PATL1: variants seen among roughly 807,000 people sequenced by gnomAD.
The protein encoded by PATL1 is PAT1 homolog 1, processing body mRNA decay factor.
In PATL1, 32 loss-of-function variants were observed where a neutral mutation model predicts 100.6. The observed-to-expected ratio is 0.32, with a 90% CI of 0.24 to 0.43. The LOEUF (loss-of-function observed/expected upper bound fraction) is 0.43. PATL1 is among the 20% of genes least tolerant of loss of function. PATL1 has a pLI of 1.00. For missense variants in PATL1, 747 were observed against 949.9 expected (o/e 0.79, Z 2.81); for synonymous variants, 332 against 330.0 (o/e 1.01, Z -0.07).
At position 59,655,971 on chromosome 11, in the gene PATL1, A is replaced by C; in HGVS notation, c.798T>G (p.Leu266=). 1 of 1,598,042 alleles carries C rather than the reference A, an allele frequency of 6.3e-7. No homozygotes were observed. The highest frequency in any genetic ancestry group is 8.5e-7 in the Non-Finnish European group (1 of 1,171,586). ...ACAGGCTTACCTGTGCTCCTCCAAG[A>C]AGCTGTGCTCTCTGGAGGGGGCTGA... is the stretch of plus-strand genomic sequence containing the variant. ...PVLSPLQRAQ[L]LGGAQLQPGR... is the part of the protein sequence containing the mutation. The change falls in exon 7 of 19, where the codon CTT becomes CTG. Residue 266 remains leucine (L), a synonymous_variant. Coordinates refer to ENST00000300146, the MANE Select transcript of PATL1 (RefSeq NM_152716.3).
At chr11:59,668,015 C>T (rs1251062154) in intron 1 of PATL1, among the ~76,000 whole-genome samples, 1 of 152,244 alleles carries the variant, frequency 6.6e-6, no homozygotes, top group East Asian at 1.9e-4. Flanking sequence ...GTTCTTCTTA[C>T]CCCAGAGCCC....
intron 2 of PATL1, among the ~76,000 whole-genome samples, chr11:59,662,278 T>C (rs753871425): frequency 1.2e-4 from 19 of 152,228 alleles, no homozygotes; most frequent in Non-Finnish European, 2.4e-4. Flanking sequence ...AAAAATATCC[T>C]TACTTAAGCC....
At chr11:59,652,811 T>C in intron 10 of PATL1, 27 bp downstream of exon 10, 1 of 1,604,554 alleles carries the variant, frequency 6.2e-7, no homozygotes, top group Non-Finnish European at 8.5e-7. Flanking sequence ...CAAACTATTA[T>C]CCTCAAAACT....
rs1861429993 is a variant in PATL1, at chr11:59,650,655, A to G, written c.1584+99T>C. On this transcript the variant is annotated intron_variant, in intron 13 of 18. Transcript: ENST00000300146. ...CAATATATTCATGAATTAAAACCAA[A>G]GAACATTGACTGATTGCTCACTGTT... The G allele has an allele frequency of 7.3e-6, 6 of 819,952 alleles. No individual in the cohort carries two copies. In the South Asian group the frequency reaches 1.1e-4, roughly 16 times the overall value. 50.8% of individuals were successfully genotyped at this position (819,952 alleles called of 1,614,324 possible). A position where few individuals can be genotyped will look rare whatever the true frequency, so the allele number is the denominator to read the frequency against.
chr11:59,648,722 A>C (rs1026067283), intron 14 of PATL1, among the ~76,000 whole-genome samples: 1 of 152,170 alleles, frequency 6.6e-6, no homozygotes, highest in Non-Finnish European at 1.5e-5. Flanking sequence ...AACTACATAC[A>C]TTTTAATGGC....
At position 59,638,198 on chromosome 11, in the gene PATL1, A is replaced by G. The variant is rs1861221231; in HGVS notation, c.*192T>C. The stretch of plus-strand genomic sequence containing the variant: ...AAAGAAACCAGCAGAAGTATCACCC[A>G]GCCAAATTTCATAGAGCAGTGGGGA... On this transcript the variant is annotated 3_prime_UTR_variant, in exon 19 of 19. Coordinates refer to ENST00000300146, the MANE Select transcript of PATL1 (RefSeq NM_152716.3). 1.3e-5 allele frequency: 8 copies of G among 615,154 alleles called. No individual in the cohort carries two copies. Among genetic ancestry groups the G allele is most frequent in the Admixed American group, 5.8e-5 (2 of 34,434 alleles). The allele number at this position is 615,154 out of a possible 1,614,324, so 38.1% of individuals were successfully genotyped here.
At chr11:59,639,440 A>G (rs956127281) in intron 16 of PATL1, 57 bp from the exon 17 acceptor site, 4 of 1,306,548 alleles carry the variant, frequency 3.1e-6, no homozygotes, top group Non-Finnish European at 4.3e-6. Flanking sequence ...CTCCTCCACC[A>G]CTGTTGAAGG....
rs1056533986 is a variant in PATL1 at position 59,655,505 on chromosome 11, G to A, written c.1031+18C>T. The A allele has an allele frequency of 1.6e-5, 24 of 1,525,636 alleles. No individual in the cohort carries two copies. In the Admixed American group the frequency reaches 2.8e-4, roughly 18 times the overall value. The allele number at this position is 1,525,636 out of a possible 1,614,324, so 94.5% of individuals were successfully genotyped here. A position where few individuals can be genotyped will look rare whatever the true frequency, so the allele number is the denominator to read the frequency against. On this transcript the variant is annotated intron_variant, in intron 8 of 18. Transcript: ENST00000300146. ...ACTTGGCTGATAACTGATAAACAGTGGCGTTGATTTTGTATACCTTAGGTT... is the reference window on the plus strand; with the variant it reads ...ACTTGGCTGATAACTGATAAACAGTAGCGTTGATTTTGTATACCTTAGGTT...
chr11:59,659,273 C>T lies in PATL1; in HGVS notation c.324G>A (p.Val108=). The change falls in exon 3 of 19, where the codon GTG becomes GTA. Residue 108 remains valine, a synonymous_variant. Coordinates refer to ENST00000300146, the MANE Select transcript of PATL1 (RefSeq NM_152716.3). ...TTACTTGTAAAACTGGCCTGGTCTG[C>T]ACTGCCCTCATAATAGCTGGATCTT... is the stretch of plus-strand genomic sequence containing the variant. ...ELEDPAIMRA[V]QTRPVLQPQP... The T allele has an allele frequency of 6.4e-7, 1 of 1,551,458 alleles. No homozygotes were observed. The highest frequency in any genetic ancestry group is 8.7e-7 in the Non-Finnish European group (1 of 1,146,820).
Position 59,657,513 on chromosome 11 carries a change from T to C in PATL1, c.621+17A>G. 6.4e-7 allele frequency: 1 copy of C among 1,565,088 alleles called. No individual in the cohort carries two copies. The highest frequency in any genetic ancestry group is 1.7e-5 in the Admixed American group (1 of 57,636). On this transcript the variant is annotated intron_variant, in intron 5 of 18. Transcript: ENST00000300146. ...ATTCCCAATATCCTGGGCTGTGTGCTTGTTAATGAGAGGTACCTGTTGGGT... is the reference window on the plus strand; with the variant it reads ...ATTCCCAATATCCTGGGCTGTGTGCCTGTTAATGAGAGGTACCTGTTGGGT...
chr11:59,655,611 A>C lies in PATL1; in HGVS notation c.943T>G (p.Phe315Val). 6.3e-7 allele frequency: 1 copy of C among 1,594,806 alleles called. No homozygotes were observed. Among genetic ancestry groups the C allele is most frequent in the Non-Finnish European group, 8.5e-7 (1 of 1,170,448 alleles). ...VGQMLPPAPG[F>V]RAFFSAPPSA... Reference sequence around the variant, plus strand: ...GGTGGAGCACTAAAGAAGGCACGGAAGCCTGGTGCTGGGGGAAGCATCTGC... The same window carrying C: ...GGTGGAGCACTAAAGAAGGCACGGACGCCTGGTGCTGGGGGAAGCATCTGC... The change falls in exon 8 of 19, where the codon TTC (phenylalanine) becomes GTC (valine). Residue 315 changes from phenylalanine to valine, a missense_variant. Physicochemically the swap from Phe to Val is conservative, Grantham distance 50. Transcript: ENST00000300146.
chr11:59,659,604 T>G (rs1294901645), intron 2 of PATL1, 135 bp from the exon 3 acceptor site: 1 of 768,804 alleles, frequency 1.3e-6, no homozygotes, highest in African/African-American at 1.8e-5. Context: ...TGATCTCGGC[T>G]CACCGCAACC....
rs748019832 is a variant in PATL1, at chr11:59,652,064, C to CAAAAAAAAA, written c.1426+391_1426+399dup. 4.2e-3 allele frequency among the ~76,000 whole-genome samples: 224 copies of CAAAAAAAAA among 52,968 alleles called. 10 individuals carry two copies. The highest frequency in any genetic ancestry group is 0.012 in the African/African-American group (162 of 14,044). 34.7% of individuals were successfully genotyped at this position (52,968 alleles called of 152,430 possible). A position where few individuals can be genotyped will look rare whatever the true frequency, so the allele number is the denominator to read the frequency against. On this transcript the variant is annotated intron_variant, in intron 11 of 18. Coordinates refer to ENST00000300146, the MANE Select transcript of PATL1 (RefSeq NM_152716.3). ...TGGACAACAGAGTAAGGCTCTTTCT[C>CAAAAAAAAA]AAAAAAAAAAAAAAAAAAAAAAAAA... is the stretch of plus-strand genomic sequence containing the variant.
intron 15 of PATL1, among the ~76,000 whole-genome samples, chr11:59,644,288 A>C (rs1325814999): frequency 6.6e-6 from 1 of 152,108 alleles, no homozygotes; most frequent in Non-Finnish European, 1.5e-5. Flanking sequence ...AAAATCTCTC[A>C]CAATATCATA....
chr11:59,642,812 A>T, intron 16 of PATL1, 68 bp downstream of exon 16: 2 of 1,479,922 alleles, frequency 1.4e-6, no homozygotes, highest in East Asian at 2.4e-5. Flanking sequence ...TACAGCAGCC[A>T]TTATTTTAAT....
At position 59,638,233 on chromosome 11, in the gene PATL1, C is replaced by A; in HGVS notation, c.*157G>T. The A allele has an allele frequency of 1.4e-6, 1 of 717,012 alleles. No homozygotes were observed. Among genetic ancestry groups the A allele is most frequent in the Non-Finnish European group, 2.4e-6 (1 of 421,386 alleles). 44.4% of individuals were successfully genotyped at this position (717,012 alleles called of 1,614,324 possible). A position where few individuals can be genotyped will look rare whatever the true frequency, so the allele number is the denominator to read the frequency against. On this transcript the variant is annotated 3_prime_UTR_variant, in exon 19 of 19. Coordinates refer to ENST00000300146, the MANE Select transcript of PATL1 (RefSeq NM_152716.3). ...CATAGAGCAGTGGGGAAATATCTGA[C>A]ATTTAGAGAGACAACCCCTGTAAAC...
At chr11:59,657,204 G>A in intron 5 of PATL1, 1 of 889,706 alleles carries the variant, frequency 1.1e-6, no homozygotes, top group Non-Finnish European at 1.3e-6. Flanking sequence ...GGACAATGCT[G>A]TGTGTTCCCA....
intron 4 of PATL1, 34 bp downstream of exon 4, chr11:59,658,832 T>C: frequency 1.3e-6 from 2 of 1,506,652 alleles, no homozygotes; most frequent in South Asian, 2.5e-5. Context: ...TTTTGGATAT[T>C]ATAAATTTTA....
intron 3 of PATL1, 99 bp from the exon 4 acceptor site, chr11:59,659,045 G>A: frequency 2.6e-6 from 3 of 1,158,536 alleles, no homozygotes; most frequent in South Asian, 2.9e-5. Flanking sequence ...GCCTCAAGCT[G>A]CTTTAGAATA....
Sources: gnomAD v4.1 joint callset for allele counts (sites outside exome capture counted in the v4.1 genomes callset) on GRCh38, gnomAD v4.1.1 for gene constraint, MANE v1.5 for transcripts, NCBI Gene and HGNC (gene_info 2026-07-23, HGNC 2026-07-21) for gene names.